NR1I2: variants seen among roughly 807,000 people sequenced by gnomAD.
The protein encoded by NR1I2 is orphan nuclear receptor PAR1.
Under a neutral mutation model 43.3 loss-of-function variants are expected in NR1I2, and 42 were observed. The observed-to-expected ratio is 0.97, with a 90% CI of 0.76 to 1.26. NR1I2 has a LOEUF of 1.26. Among genes scored for constraint, NR1I2 ranks in the 50% most tolerant of loss-of-function variants. The probability of loss-of-function intolerance (pLI) is 0.00; values close to 1 mark genes in which losing one functional copy is unlikely to be tolerated. For synonymous variants in NR1I2, 229 were observed against 215.0 expected, an observed-to-expected ratio of 1.06 and a Z score of -0.57; for missense variants, 559 against 566.7, an observed-to-expected ratio of 0.99 and a Z score of 0.14.
intron 1 of NR1I2, among the ~76,000 whole-genome samples, chr3:119,798,875 T>C: frequency 6.6e-6 from 1 of 152,354 alleles, no homozygotes; most frequent in Non-Finnish European, 1.5e-5. Context: ...TTCATTCTTT[T>C]AAACCGCTGA....
chr3:119,815,897 C>A, intron 8 of NR1I2, 66 bp downstream of exon 8: 1 of 1,339,924 alleles, frequency 7.5e-7, no homozygotes, highest in Non-Finnish European at 1.0e-6. Context: ...AGGGAAATTG[C>A]CCAAGACTTC....
chr3:119,805,448 T>C (rs2055143343), intron 1 of NR1I2, among the ~76,000 whole-genome samples: 1 of 152,068 alleles, frequency 6.6e-6, no homozygotes, highest in South Asian at 2.1e-4. Context: ...CCCAGCACTT[T>C]GGGAGGCTGA....
chr3:119,799,601 A>C (rs2055049075), intron 1 of NR1I2, among the ~76,000 whole-genome samples: 1 of 152,214 alleles, frequency 6.6e-6, no homozygotes, highest in South Asian at 2.1e-4. Context: ...ACAAACAAAA[A>C]AAAACTTTTA....
chr3:119,782,863 T>C (rs985300676), intron 1 of NR1I2: 2 of 1,607,012 alleles, frequency 1.2e-6, no homozygotes, highest in African/African-American at 2.7e-5. Context: ...GTGAGTTTTC[T>C]ACCTCTACTA....
Position 119,815,776 on chromosome 3 carries a change from T to G in NR1I2, c.1105T>G (p.Phe369Val), listed in dbSNP as rs2055319018. 1.9e-6 allele frequency: 3 copies of G among 1,613,836 alleles called. No individual in the cohort carries two copies. The highest frequency in any genetic ancestry group is 1.7e-6 in the Non-Finnish European group (2 of 1,179,898). ...CGTGGTGGACCAGCTGCAGGAGCAATTCGCCATTACTCTGAAGTCCTACAT... is the reference window on the plus strand; with the variant it reads ...CGTGGTGGACCAGCTGCAGGAGCAAGTCGCCATTACTCTGAAGTCCTACAT... Residue 369 changes from phenylalanine (F) to valine (V), a missense_variant, in exon 8 of 9, where the codon TTC becomes GTC. Transcript: ENST00000393716.
At chr3:119,789,421 G>GGCAGGCAAGAGAGAGAA (rs1419477225) in intron 1 of NR1I2, among the ~76,000 whole-genome samples, 1 of 152,130 alleles carries the variant, frequency 6.6e-6, no homozygotes, top group Non-Finnish European at 1.5e-5. Context: ...CTTACATGGT[G>GGCAGGCAAGAGAGAGAA]TCAGGCAAGA....
At chr3:119,789,269 C>T (rs535005955) in intron 1 of NR1I2, among the ~76,000 whole-genome samples, 6 of 152,286 alleles carry the variant, frequency 3.9e-5, no homozygotes, top group Non-Finnish European at 8.8e-5. Flanking sequence ...GTGCTTTTAA[C>T]TACTGTATTA....
At chr3:119,796,172 C>T (rs2054996556) in intron 1 of NR1I2, among the ~76,000 whole-genome samples, 1 of 152,056 alleles carries the variant, frequency 6.6e-6, no homozygotes, top group Admixed American at 6.5e-5. Flanking sequence ...TGTGATCTAC[C>T]CTGTACCACT....
intron 1 of NR1I2, among the ~76,000 whole-genome samples, chr3:119,790,720 T>C (rs561559890): frequency 1.3e-5 from 2 of 152,380 alleles, no homozygotes; most frequent in Admixed American, 1.3e-4. Context: ...TACTATGTTC[T>C]TTATGGTCAA....
chr3:119,795,525 A>G (rs2054986161), intron 1 of NR1I2, among the ~76,000 whole-genome samples: 1 of 151,972 alleles, frequency 6.6e-6, no homozygotes, highest in African/African-American at 2.4e-5. Context: ...CATGCCCATC[A>G]CCTGCAGTTT....
chr3:119,816,561 C>A (rs72967103), intron 8 of NR1I2, among the ~76,000 whole-genome samples: 1 of 152,142 alleles, frequency 6.6e-6, no homozygotes, highest in Non-Finnish European at 1.5e-5. Context: ...TGGCTCACAC[C>A]TATAATCCCA....
intron 1 of NR1I2, chr3:119,792,315 G>A: frequency 6.9e-7 from 1 of 1,441,590 alleles, no homozygotes; most frequent in Non-Finnish European, 9.7e-7. Context: ...GCTCATCCTG[G>A]ATGATGTGTC....
chr3:119,816,611 A>G (rs2055332694), intron 8 of NR1I2, among the ~76,000 whole-genome samples: 1 of 152,172 alleles, frequency 6.6e-6, no homozygotes, highest in African/African-American at 2.4e-5. Context: ...CCTTGGGGCC[A>G]GGAGTTCAAA....
At chr3:119,802,479 T>C in intron 1 of NR1I2, among the ~76,000 whole-genome samples, 1 of 152,206 alleles carries the variant, frequency 6.6e-6, no homozygotes, top group South Asian at 2.1e-4. Flanking sequence ...GAAGAGCATT[T>C]ATATTTATTG....
chr3:119,794,990 C>T (rs549374322), intron 1 of NR1I2, among the ~76,000 whole-genome samples: 1 of 152,246 alleles, frequency 6.6e-6, no homozygotes, highest in East Asian at 1.9e-4. Flanking sequence ...AATAGGACTG[C>T]CCAAATTGTG....
chr3:119,801,234 G>A (rs141722845), intron 1 of NR1I2, among the ~76,000 whole-genome samples: 134 of 152,182 alleles, frequency 8.8e-4, no homozygotes, highest in African/African-American at 2.9e-3. Context: ...CCTGCATACC[G>A]GATTTTACAA....
chr3:119,782,670 G>T (rs1421867654), intron 1 of NR1I2: 7 of 940,972 alleles, frequency 7.4e-6, no homozygotes, highest in Admixed American at 1.8e-5. Flanking sequence ...GGGAGCTGGG[G>T]ACTATGGGAA....
At chr3:119,792,397 C>A in intron 1 of NR1I2, 1 of 1,298,888 alleles carries the variant, frequency 7.7e-7, no homozygotes, top group Non-Finnish European at 1.1e-6. Context: ...CAGCAGGATG[C>A]AGAGAGGGCC....
intron 1 of NR1I2, among the ~76,000 whole-genome samples, chr3:119,786,644 TG>T (rs1486822603): frequency 6.6e-6 from 1 of 152,214 alleles, no homozygotes. Context: ...ACTTATGACC[TG>T]GGCTGGTGCC....
Sources: allele counts gnomAD v4.1 joint callset (sites outside exome capture counted in the v4.1 genomes callset), GRCh38; gene constraint gnomAD v4.1.1; transcripts MANE v1.5; gene names NCBI Gene and HGNC (gene_info 2026-07-23, HGNC 2026-07-21).